The following KCNJ3 variants were observed in gnomAD, a reference collection of about 807,000 sequenced individuals.
The protein encoded by KCNJ3 is G protein-activated inward rectifier potassium channel 1.
Under a neutral mutation model 39.2 loss-of-function variants are expected in KCNJ3, and 4 were observed. The observed-to-expected ratio is 0.10, with a 90% CI of 0.05 to 0.23. The LOEUF is 0.23. Among genes scored for constraint, KCNJ3 ranks in the 10% least tolerant of loss-of-function variants. The pLI, the probability that KCNJ3 is intolerant of heterozygous loss-of-function variation, is 1.00. For missense variants in KCNJ3, 276 were observed against 634.9 expected, an observed-to-expected ratio of 0.43 and a Z score of 6.08; for synonymous variants, 230 against 237.4, an observed-to-expected ratio of 0.97 and a Z score of 0.29.
chr2:154,851,621 T>C (rs1421430788), intron 2 of KCNJ3, among the ~76,000 whole-genome samples: 1 of 152,212 alleles, frequency 6.6e-6, no homozygotes, highest in Non-Finnish European at 1.5e-5. Flanking sequence ...AAATTATATT[T>C]CAGATGTTGC....
At chr2:154,821,416 G>T (rs558953088) in intron 2 of KCNJ3, among the ~76,000 whole-genome samples, 1 of 152,084 alleles carries the variant, frequency 6.6e-6, no homozygotes, top group East Asian at 1.9e-4. Flanking sequence ...TTGAAGGTAG[G>T]AAATTTTGTT....
intron 2 of KCNJ3, among the ~76,000 whole-genome samples, chr2:154,840,087 T>C (rs537101692): frequency 4.6e-5 from 7 of 152,336 alleles, no homozygotes; most frequent in Admixed American, 3.3e-4. Context: ...ATTTAAGTCT[T>C]TAATGCATCT....
chr2:154,790,975 G>C (rs745792259), intron 2 of KCNJ3, among the ~76,000 whole-genome samples: 7 of 152,028 alleles, frequency 4.6e-5, no homozygotes, highest in Non-Finnish European at 1.0e-4. Flanking sequence ...AGTAAAGTAA[G>C]ACTTTCTTCT....
At chr2:154,721,544 G>T (rs1685263439) in intron 2 of KCNJ3, among the ~76,000 whole-genome samples, 2 of 151,940 alleles carry the variant, frequency 1.3e-5, no homozygotes, top group Admixed American at 1.3e-4. Context: ...CTCTGGCTTG[G>T]ATAAGCTTGG....
rs1338607360 is a variant in KCNJ3, at chr2:154,760,520, A to T, written c.919+50701A>T. ...ACTTTGAGCAAATTCAATTTTTCCA[A>T]ATGTTGTGAAGTTTTGCTTTTCACT... On this transcript the variant is annotated intron_variant, in intron 2 of 2. Coordinates refer to ENST00000295101, the MANE Select transcript of KCNJ3 (RefSeq NM_002239.4). Among the ~76,000 whole-genome samples the T allele has an allele frequency of 4.6e-5, 7 of 151,774 alleles. No individual in the cohort carries two copies. The East Asian group carries it at 1.4e-3, about 29-fold the overall frequency.
At chr2:154,767,873 G>A (rs1686162857) in intron 2 of KCNJ3, among the ~76,000 whole-genome samples, 1 of 152,080 alleles carries the variant, frequency 6.6e-6, no homozygotes, top group East Asian at 1.9e-4. Flanking sequence ...TTTAATGATT[G>A]CCATTCTAAC....
intron 2 of KCNJ3, among the ~76,000 whole-genome samples, chr2:154,758,382 T>C (rs1685979348): frequency 6.6e-6 from 1 of 152,172 alleles, no homozygotes; most frequent in East Asian, 1.9e-4. Context: ...CTCCCTCAGG[T>C]ACCAAATATG....
chr2:154,705,732 A>T (rs1684997004), intron 1 of KCNJ3, among the ~76,000 whole-genome samples: 1 of 152,156 alleles, frequency 6.6e-6, no homozygotes, highest in Non-Finnish European at 1.5e-5. Flanking sequence ...ATTATCAAAA[A>T]ATACCTAATG....
intron 2 of KCNJ3, among the ~76,000 whole-genome samples, chr2:154,839,785 GT>G (rs889120497): frequency 1.3e-5 from 2 of 151,480 alleles, no homozygotes; most frequent in African/African-American, 2.4e-5. Context: ...GGGGTTGTTT[GT>G]TTTTTTTCTT....
chr2:154,808,062 A>G lies in KCNJ3; in HGVS notation c.920-46665A>G, dbSNP rs144422990. ...TCTTGCATCTGGAGTGTCAAATGGA[A>G]GAGGGATAAGGGCATTTAAATTTTT... is the stretch of plus-strand genomic sequence containing the variant. On this transcript the variant is annotated intron_variant, in intron 2 of 2. Coordinates refer to ENST00000295101, the MANE Select transcript of KCNJ3 (RefSeq NM_002239.4). Among the ~76,000 whole-genome samples, 306 of 151,968 alleles carry G rather than the reference A, an allele frequency of 2.0e-3. 2 individuals carry two copies. Among genetic ancestry groups the G allele is most frequent in the African/African-American group, 7.2e-3 (297 of 41,384 alleles).
chr2:154,849,370 G>A (rs554873481), intron 2 of KCNJ3, among the ~76,000 whole-genome samples: 2 of 152,184 alleles, frequency 1.3e-5, no homozygotes, highest in African/African-American at 2.4e-5. Context: ...TGATGTACGT[G>A]TGATAAAACA....
chr2:154,842,269 C>A (rs1183742810), intron 2 of KCNJ3, among the ~76,000 whole-genome samples: 1 of 152,178 alleles, frequency 6.6e-6, no homozygotes, highest in Non-Finnish European at 1.5e-5. Flanking sequence ...GTTCTTAATC[C>A]TGAGTTCTAA....
At chr2:154,837,785 T>C (rs1476926911) in intron 2 of KCNJ3, among the ~76,000 whole-genome samples, 1 of 152,228 alleles carries the variant, frequency 6.6e-6, no homozygotes, top group Admixed American at 6.5e-5. Flanking sequence ...TGACTGGTGA[T>C]GCCTTTGCAT....
intron 2 of KCNJ3, among the ~76,000 whole-genome samples, chr2:154,825,950 G>C (rs1031368126): frequency 6.6e-6 from 1 of 151,496 alleles, no homozygotes; most frequent in South Asian, 2.1e-4. Flanking sequence ...TTCCACCCAG[G>C]ATACAGGGCT....
chr2:154,776,718 C>T (rs759754889), intron 2 of KCNJ3, among the ~76,000 whole-genome samples: 31 of 151,952 alleles, frequency 2.0e-4, no homozygotes, highest in Non-Finnish European at 3.2e-4. Context: ...AGAAAAGATA[C>T]GTAACTGCAA....
chr2:154,724,936 T>TATATATATATATAC (rs1450435626), intron 2 of KCNJ3, among the ~76,000 whole-genome samples: 2 of 147,098 alleles, frequency 1.4e-5, no homozygotes, highest in Non-Finnish European at 3.0e-5. Flanking sequence ...TATATATATA[T>TATATATATATATAC]ACCTTTGATG....
At chr2:154,761,525 A>G (rs1305141512) in intron 2 of KCNJ3, among the ~76,000 whole-genome samples, 1 of 152,178 alleles carries the variant, frequency 6.6e-6, no homozygotes, top group Non-Finnish European at 1.5e-5. Context: ...GCACTTTTAG[A>G]TTTATTTAGG....
At chr2:154,832,259 A>T (rs942186104) in intron 2 of KCNJ3, among the ~76,000 whole-genome samples, 32 of 151,934 alleles carry the variant, frequency 2.1e-4, no homozygotes, top group Admixed American at 1.0e-3. Context: ...CAATTTAATT[A>T]AAAAAAAGTA....
In KCNJ3 at chr2:154,732,707, A is replaced by T. The variant is rs117736992; in HGVS notation, c.919+22888A>T. ...CATGAGTTGACATCCCAAGTAGTTC[A>T]CTAGCTGCTCATTTCTATCTTCTTT... On this transcript the variant is annotated intron_variant, in intron 2 of 2. Transcript: ENST00000295101. 3.8e-4 allele frequency among the ~76,000 whole-genome samples: 58 copies of T among 152,246 alleles called. 1 individual carries two copies. In the East Asian group the frequency reaches 0.011, roughly 29 times the overall value.
Sources: allele counts gnomAD v4.1 joint callset (sites outside exome capture counted in the v4.1 genomes callset), GRCh38; gene constraint gnomAD v4.1.1; transcripts MANE v1.5; gene names NCBI Gene and HGNC (gene_info 2026-07-23, HGNC 2026-07-21).